REDIC1: variants seen among roughly 807,000 people sequenced by gnomAD.
The protein encoded by REDIC1 is HEI10 Interacting Protein 1.
chr12:39,774,282 C>G, the REDIC1 span, among the ~76,000 whole-genome samples: 1,652 of 152,244 alleles, frequency 0.011, 27 homozygotes, highest in African/African-American at 0.037. Context: ...TAAATTTACT[C>G]TAAGCAACCC....
the REDIC1 span, among the ~76,000 whole-genome samples, chr12:39,712,017 T>TATGTATAAATAC: frequency 2.6e-5 from 1 of 39,164 alleles, no homozygotes; most frequent in Admixed American, 2.6e-4. Flanking sequence ...TACCTACCTG[T>TATGTATAAATAC]ATGTATATAT....
the REDIC1 span, among the ~76,000 whole-genome samples, chr12:39,747,017 A>G: frequency 6.6e-6 from 1 of 152,142 alleles, no homozygotes; most frequent in Non-Finnish European, 1.5e-5. Context: ...AAATCAGAGC[A>G]CCTCTCCCCC....
the REDIC1 span, among the ~76,000 whole-genome samples, chr12:39,893,808 C>G: frequency 6.6e-6 from 1 of 152,084 alleles, no homozygotes; most frequent in East Asian, 1.9e-4. Flanking sequence ...TACTTTAAGC[C>G]CACAAAATAA....
chr12:39,729,435 G>A, the REDIC1 span, among the ~76,000 whole-genome samples: 12 of 152,302 alleles, frequency 7.9e-5, no homozygotes, highest in South Asian at 4.1e-4. Flanking sequence ...GCATTCAGGA[G>A]CAGGTTGTTC....
the REDIC1 span, among the ~76,000 whole-genome samples, chr12:39,857,331 A>G: frequency 4.6e-5 from 7 of 152,202 alleles, no homozygotes; most frequent in African/African-American, 1.7e-4. Flanking sequence ...CTCCAGATTT[A>G]CATGCCTAAA....
the REDIC1 span, among the ~76,000 whole-genome samples, chr12:39,704,420 C>T: frequency 6.6e-6 from 1 of 152,064 alleles, no homozygotes; most frequent in African/African-American, 2.4e-5. Context: ...AGTCAGGAAA[C>T]AACAGGTGCT....
At chr12:39,714,504 G>T in the REDIC1 span, among the ~76,000 whole-genome samples, 1 of 151,542 alleles carries the variant, frequency 6.6e-6, no homozygotes, top group African/African-American at 2.4e-5. Flanking sequence ...TGTGAATTAT[G>T]CTGCTGTAAA....
chr12:39,874,849 A>C, the REDIC1 span, among the ~76,000 whole-genome samples: 1 of 152,190 alleles, frequency 6.6e-6, no homozygotes, highest in African/African-American at 2.4e-5. Context: ...GACTGAACTA[A>C]AGGTATATTG....
the REDIC1 span, among the ~76,000 whole-genome samples, chr12:39,680,703 A>G: frequency 6.6e-6 from 1 of 152,112 alleles, no homozygotes; most frequent in South Asian, 2.1e-4. Flanking sequence ...ACAATTCACA[A>G]CTACAAAAAT....
At chr12:39,775,285 G>A in the REDIC1 span, among the ~76,000 whole-genome samples, 1 of 152,210 alleles carries the variant, frequency 6.6e-6, no homozygotes, top group Non-Finnish European at 1.5e-5. Context: ...GAAGACTGGT[G>A]AAAATGAAGT....
chr12:39,711,785 A>G, the REDIC1 span, among the ~76,000 whole-genome samples: 1 of 119,240 alleles, frequency 8.4e-6, no homozygotes, highest in South Asian at 2.6e-4. Flanking sequence ...ATGCATGTGT[A>G]TGTGTGTGTA....
chr12:39,699,821 A>T, the REDIC1 span, among the ~76,000 whole-genome samples: 3 of 151,744 alleles, frequency 2.0e-5, no homozygotes, highest in South Asian at 2.1e-4. Context: ...AGGCACCCCC[A>T]AGCAGTGGTA....
the REDIC1 span, chr12:39,830,423 T>C: frequency 2.3e-6 from 3 of 1,297,066 alleles, no homozygotes; most frequent in South Asian, 6.4e-5. Flanking sequence ...TTCTCCCTCT[T>C]TTGGCCACAG....
chr12:39,869,786 G>A, the REDIC1 span, among the ~76,000 whole-genome samples: 1 of 152,322 alleles, frequency 6.6e-6, no homozygotes, highest in East Asian at 1.9e-4. Context: ...GATGGAGGCT[G>A]CTTTTGCACT....
chr12:39,817,691 C>T, the REDIC1 span, among the ~76,000 whole-genome samples: 2 of 152,146 alleles, frequency 1.3e-5, no homozygotes, highest in Non-Finnish European at 2.9e-5. Context: ...TTAGTTTTTA[C>T]ATACTTTATA....
the REDIC1 span, among the ~76,000 whole-genome samples, chr12:39,823,423 G>A: frequency 4.6e-5 from 7 of 150,772 alleles, no homozygotes; most frequent in East Asian, 1.5e-3. Flanking sequence ...AAATACAAAA[G>A]TGATATCTCT....
At chr12:39,671,372 T>C in the REDIC1 span, among the ~76,000 whole-genome samples, 134 of 152,130 alleles carry the variant, frequency 8.8e-4, 1 homozygote, top group Admixed American at 8.6e-3. Flanking sequence ...TATGGTGAGA[T>C]TTTTCTGGGG....
At chr12:39,704,626 T>C in the REDIC1 span, among the ~76,000 whole-genome samples, 1 of 152,116 alleles carries the variant, frequency 6.6e-6, no homozygotes. Context: ...TGCACACGTA[T>C]GTTTATTGCG....
At chr12:39,628,777 A>C in the REDIC1 span, among the ~76,000 whole-genome samples, 1 of 152,230 alleles carries the variant, frequency 6.6e-6, no homozygotes, top group Non-Finnish European at 1.5e-5. Flanking sequence ...AGATATTTAA[A>C]TAGGACTTAA....
Sources: allele counts gnomAD v4.1 joint callset (sites outside exome capture counted in the v4.1 genomes callset), GRCh38; gene constraint gnomAD v4.1.1; transcripts MANE v1.5; gene names NCBI Gene and HGNC (gene_info 2026-07-23, HGNC 2026-07-21).